UXS1: variants seen among roughly 807,000 people sequenced by gnomAD.
The protein encoded by UXS1 is UDP-glucuronate decarboxylase 1, also known as UDP-glucuronic acid decarboxylase 1.
A neutral mutation model predicts 62.6 loss-of-function variants in UXS1; 33 were observed. The ratio of observed to expected loss-of-function variants is 0.53; its 90% CI spans 0.40 to 0.70. The LOEUF (loss-of-function observed/expected upper bound fraction) is 0.70, where lower values mean the gene tolerates loss of function less well. UXS1 is among the 30% of genes least tolerant of loss of function. The pLI, the probability that UXS1 is intolerant of heterozygous loss-of-function variation, is 0.00. For missense variants in UXS1, 434 were observed against 556.3 expected (o/e 0.78, Z 2.21); for synonymous variants, 213 against 206.8 (o/e 1.03, Z -0.26).
intron 5 of UXS1, among the ~76,000 whole-genome samples, chr2:106,153,215 T>C (rs1682170780): frequency 6.6e-6 from 1 of 152,226 alleles, no homozygotes; most frequent in African/African-American, 2.4e-5. Context: ...AAGACTGGTC[T>C]CAAAATCTAC....
At chr2:106,095,796 C>T (rs566873997) in intron 14 of UXS1, among the ~76,000 whole-genome samples, 16 of 152,312 alleles carry the variant, frequency 1.1e-4, no homozygotes, top group African/African-American at 3.8e-4. Flanking sequence ...CAGCCAACCT[C>T]CCTACACAGG....
At chr2:106,128,590 C>G (rs995297528) in intron 7 of UXS1, among the ~76,000 whole-genome samples, 2 of 152,144 alleles carry the variant, frequency 1.3e-5, no homozygotes, top group African/African-American at 4.8e-5. Flanking sequence ...GCCCTCGGCT[C>G]TCTGGTTCTC....
intron 1 of UXS1, among the ~76,000 whole-genome samples, chr2:106,193,511 G>A (rs1008838009): frequency 6.6e-6 from 1 of 151,974 alleles, no homozygotes; most frequent in African/African-American, 2.4e-5. Flanking sequence ...CTGCAGGCAC[G>A]CCCTGCCCGG....
intron 7 of UXS1, among the ~76,000 whole-genome samples, chr2:106,126,311 C>G (rs1356539115): frequency 6.6e-6 from 1 of 152,190 alleles, no homozygotes; most frequent in East Asian, 1.9e-4. Context: ...AACTCATTCA[C>G]AGAGTCCCAG....
intron 8 of UXS1, among the ~76,000 whole-genome samples, chr2:106,123,801 A>G (rs1679716609): frequency 6.6e-6 from 1 of 152,230 alleles, no homozygotes; most frequent in African/African-American, 2.4e-5. Flanking sequence ...TTAGTACACC[A>G]AGAATTTTAT....
intron 14 of UXS1, 69 bp downstream of exon 14, chr2:106,096,649 C>T (rs1677134414): frequency 1.4e-6 from 2 of 1,431,852 alleles, no homozygotes; most frequent in Non-Finnish European, 1.9e-6. Context: ...GGGTCAGTGC[C>T]TACAGGACAG....
intron 5 of UXS1, among the ~76,000 whole-genome samples, chr2:106,150,647 T>C (rs1283710274): frequency 2.6e-5 from 4 of 152,196 alleles, no homozygotes; most frequent in South Asian, 4.1e-4. Context: ...CATGAGAACA[T>C]GGCTTCTTCC....
At chr2:106,141,964 G>C (rs2104984207) in intron 6 of UXS1, among the ~76,000 whole-genome samples, 1 of 150,762 alleles carries the variant, frequency 6.6e-6, no homozygotes, top group Middle Eastern at 3.5e-3. Context: ...TCCACATTCT[G>C]GGTTCTAGCG....
chr2:106,125,612 C>G lies in UXS1; in HGVS notation c.637+8G>C, dbSNP rs917421090. 1 of 1,565,410 alleles carries G rather than the reference C, an allele frequency of 6.4e-7. No individual in the cohort carries two copies. On this transcript the variant is annotated splice_region_variant and intron_variant, in intron 8 of 14. Transcript: ENST00000283148. ...AGTGAACATCTCCTGAGAGAGCCTC[C>G]TACTCACCTCCATACACCTCCGATG...
At chr2:106,129,840 T>TAC in intron 6 of UXS1, 62 bp from the exon 7 acceptor site, 1 of 1,033,074 alleles carries the variant, frequency 9.7e-7, no homozygotes, top group Non-Finnish European at 1.4e-6. Context: ...ACTGACCTCC[T>TAC]AGGATATATA....
At chr2:106,157,412 A>C (rs1348876438) in intron 5 of UXS1, among the ~76,000 whole-genome samples, 1 of 152,234 alleles carries the variant, frequency 6.6e-6, no homozygotes, top group Non-Finnish European at 1.5e-5. Flanking sequence ...TATTCTTCAA[A>C]GTGGTCTGTG....
Position 106,136,967 on chromosome 2 carries a change from A to C in UXS1, c.473-7189T>G, listed in dbSNP as rs868848780. Among the ~76,000 whole-genome samples, 897 of 130,644 alleles carry C rather than the reference A, an allele frequency of 6.9e-3. 4 individuals carry two copies. The highest frequency in any genetic ancestry group is 0.023 in the African/African-American group (765 of 33,710). The allele number at this position is 130,644 out of a possible 152,430, so 85.7% of individuals were successfully genotyped here. On this transcript the variant is annotated intron_variant, in intron 6 of 14. Coordinates refer to ENST00000283148, the MANE Select transcript of UXS1 (RefSeq NM_001253875.2). Reference sequence around the variant, plus strand: ...AATGGAGAAGTCAAGAACACACACAAAAAAAAAAAAAAAAAAAAAGAAAGC... The same window carrying C: ...AATGGAGAAGTCAAGAACACACACACAAAAAAAAAAAAAAAAAAAGAAAGC...
At chr2:106,185,786 G>A (rs942456687) in intron 1 of UXS1, among the ~76,000 whole-genome samples, 6 of 152,286 alleles carry the variant, frequency 3.9e-5, no homozygotes, top group African/African-American at 1.2e-4. Context: ...GAAACACCCA[G>A]GAGAGATTTA....
intron 10 of UXS1, among the ~76,000 whole-genome samples, chr2:106,111,870 T>G (rs1678640526): frequency 6.6e-6 from 1 of 152,114 alleles, no homozygotes; most frequent in Non-Finnish European, 1.5e-5. Context: ...GAAAGTGCTC[T>G]AGGAGGCTAC....
At chr2:106,154,199 A>G (rs1682253695) in intron 5 of UXS1, among the ~76,000 whole-genome samples, 1 of 152,258 alleles carries the variant, frequency 6.6e-6, no homozygotes, top group South Asian at 2.1e-4. Context: ...ATAAATGTAT[A>G]TATTCAAGAA....
At chr2:106,173,971 T>C (rs1027823231) in intron 1 of UXS1, among the ~76,000 whole-genome samples, 1 of 152,024 alleles carries the variant, frequency 6.6e-6, no homozygotes, top group African/African-American at 2.4e-5. Context: ...CAGCCACCTA[T>C]ATATAATGCA....
intron 6 of UXS1, among the ~76,000 whole-genome samples, chr2:106,137,845 A>G (rs1282782692): frequency 6.6e-6 from 1 of 151,880 alleles, no homozygotes; most frequent in East Asian, 1.9e-4. Flanking sequence ...TAAAAAATGA[A>G]CCTGGCCAGA....
At chr2:106,126,634 G>A (rs1475133407) in intron 7 of UXS1, among the ~76,000 whole-genome samples, 1 of 152,118 alleles carries the variant, frequency 6.6e-6, no homozygotes, top group Non-Finnish European at 1.5e-5. Context: ...TCAAAATGAA[G>A]GACTCTGAGA....
At chr2:106,109,082 T>A (rs543285222) in intron 10 of UXS1, among the ~76,000 whole-genome samples, 1 of 152,114 alleles carries the variant, frequency 6.6e-6, no homozygotes, top group East Asian at 1.9e-4. Flanking sequence ...CTCTGATGCT[T>A]CCTCTTAATA....
Sources: allele counts gnomAD v4.1 joint callset (sites outside exome capture counted in the v4.1 genomes callset), GRCh38; gene constraint gnomAD v4.1.1; transcripts MANE v1.5; gene names NCBI Gene and HGNC (gene_info 2026-07-23, HGNC 2026-07-21).